PKP2: variants seen among roughly 807,000 people sequenced by gnomAD.
PKP2 encodes plakophilin-2.
Under a neutral mutation model 83.4 loss-of-function variants are expected in PKP2, and 73 were observed. The observed-to-expected ratio is 0.88, with a 90% CI of 0.72 to 1.06. PKP2 has a LOEUF of 1.06. PKP2 is among the 50% of genes least tolerant of loss of function. The pLI, the probability that PKP2 is intolerant of heterozygous loss-of-function variation, is 0.00. For missense variants in PKP2, 966 were observed against 1,065.4 expected, an observed-to-expected ratio of 0.91 and a Z score of 1.30; for synonymous variants, 409 against 430.4, an observed-to-expected ratio of 0.95 and a Z score of 0.62.
intron 9 of PKP2, among the ~76,000 whole-genome samples, chr12:32,804,694 T>G (rs962480154): frequency 2.0e-5 from 3 of 152,234 alleles, no homozygotes; most frequent in Non-Finnish European, 4.4e-5. Context: ...CTTTATTCAA[T>G]CTATCACTGG....
At position 32,879,301 on chromosome 12, in the gene PKP2, G is replaced by A. The variant is rs377113909; in HGVS notation, c.224-269C>T. Reference sequence around the variant, plus strand: ...TTATCCCAGCACTCTGGGAGGCAGAGGCAGGTGGATCACCTGAGGTCAGGA... The same window carrying A: ...TTATCCCAGCACTCTGGGAGGCAGAAGCAGGTGGATCACCTGAGGTCAGGA... On this transcript the variant is annotated intron_variant, in intron 1 of 12. Transcript: ENST00000340811. 7.9e-5 allele frequency among the ~76,000 whole-genome samples: 12 copies of A among 152,358 alleles called. No individual in the cohort carries two copies. The East Asian group carries it at 1.7e-3, about 22-fold the overall frequency.
intron 4 of PKP2, among the ~76,000 whole-genome samples, chr12:32,857,321 G>C (rs1437538051): frequency 6.6e-6 from 1 of 152,066 alleles, no homozygotes; most frequent in African/African-American, 2.4e-5. Flanking sequence ...AGCTACTCGG[G>C]AGGCTGAGAG....
intron 9 of PKP2, among the ~76,000 whole-genome samples, chr12:32,812,813 T>G (rs920229296): frequency 6.6e-6 from 1 of 152,178 alleles, no homozygotes; most frequent in Non-Finnish European, 1.5e-5. Context: ...CATTATTAAC[T>G]TTTAAATGGG....
intron 9 of PKP2, among the ~76,000 whole-genome samples, chr12:32,819,885 ACCC>A (rs34249258): frequency 0.83 from 120,550 of 145,804 alleles, 49,230 homozygotes; most frequent in Non-Finnish European, 0.85. Context: ...CGCACACACA[ACCC>A]CCCCCCCCCC....
At chr12:32,829,070 C>T (rs544566888) in intron 6 of PKP2, among the ~76,000 whole-genome samples, 6 of 151,896 alleles carry the variant, frequency 4.0e-5, no homozygotes, top group East Asian at 3.9e-4. Context: ...TGAGTAGGTG[C>T]GACTATAGGC....
At chr12:32,830,463 T>C (rs1171295374) in intron 6 of PKP2, among the ~76,000 whole-genome samples, 5 of 152,254 alleles carry the variant, frequency 3.3e-5, no homozygotes, top group South Asian at 4.1e-4. Context: ...ATTCTGCAAA[T>C]AGAGAACATT....
chr12:32,831,785 A>G (rs1194521426), intron 6 of PKP2, among the ~76,000 whole-genome samples: 2 of 152,230 alleles, frequency 1.3e-5, no homozygotes, highest in African/African-American at 4.8e-5. Flanking sequence ...AGGACAGTGG[A>G]AAATGATAGT....
Position 32,802,463 on chromosome 12 carries a change from T to G in PKP2, c.2107A>C (p.Lys703Gln). The change falls in exon 10 of 13, where the codon AAG (lysine) becomes CAG (glutamine). Residue 703 changes from lysine (K) to glutamine (Q), a missense_variant. Transcript: ENST00000340811. ...MLHVGDPSVKKTAISLLRNLS... is the reference protein window; with the variant it reads ...MLHVGDPSVKQTAISLLRNLS... Reference sequence around the variant, plus strand: ...TTCCTCAGCAGCGAGATGGCTGTCTTTTTCACACTTGGGTCACCAACATGC... The same window carrying G: ...TTCCTCAGCAGCGAGATGGCTGTCTGTTTCACACTTGGGTCACCAACATGC... 11 of 1,614,158 alleles carry G rather than the reference T, an allele frequency of 6.8e-6. No homozygotes were observed. The highest frequency in any genetic ancestry group is 9.3e-6 in the Non-Finnish European group (11 of 1,180,012).
intron 4 of PKP2, among the ~76,000 whole-genome samples, chr12:32,851,714 C>T (rs112915452): frequency 0.13 from 20,470 of 152,112 alleles, 1,623 homozygotes; most frequent in African/African-American, 0.2. Flanking sequence ...GTGATCCACC[C>T]GCCTCGGCCT....
chr12:32,819,303 C>CAATAAAATAAAATAA (rs1183387884), intron 9 of PKP2, among the ~76,000 whole-genome samples: 199 of 33,500 alleles, frequency 5.9e-3, no homozygotes, highest in Middle Eastern at 0.062. Context: ...CAATACAATA[C>CAATAAAATAAAATAA]AATACAATAC....
intron 3 of PKP2, among the ~76,000 whole-genome samples, chr12:32,875,615 T>C (rs7299220): frequency 0.081 from 12,343 of 152,200 alleles, 493 homozygotes; most frequent in Non-Finnish European, 0.094. Flanking sequence ...CTGACAGTCC[T>C]AGAGAACGGT....
chr12:32,878,876 T>C lies in PKP2; in HGVS notation c.336+44A>G, dbSNP rs752571986. The C allele has an allele frequency of 1.0e-5, 10 of 988,994 alleles. No individual in the cohort carries two copies. In the African/African-American group the frequency reaches 1.4e-4, roughly 14 times the overall value. The allele number at this position is 988,994 out of a possible 1,614,324, so 61.3% of individuals were successfully genotyped here. On this transcript the variant is annotated intron_variant, in intron 2 of 12. Coordinates refer to ENST00000340811, the MANE Select transcript of PKP2 (RefSeq NM_001005242.3). ...CTTAGGAAGTTTGAAAATATTTTCATGGTAGTAATCTGATCACTAGGGTTA... is the reference window on the plus strand; with the variant it reads ...CTTAGGAAGTTTGAAAATATTTTCACGGTAGTAATCTGATCACTAGGGTTA...
intron 1 of PKP2, among the ~76,000 whole-genome samples, chr12:32,895,538 C>T (rs962000620): frequency 2.6e-5 from 4 of 152,200 alleles, no homozygotes; most frequent in African/African-American, 9.6e-5. Flanking sequence ...TTTCTTTCCT[C>T]TTCTTTTTGC....
intron 4 of PKP2, among the ~76,000 whole-genome samples, chr12:32,861,536 T>G (rs1039978892): frequency 2.6e-5 from 4 of 152,126 alleles, no homozygotes; most frequent in Non-Finnish European, 5.9e-5. Flanking sequence ...GGAATTGAAC[T>G]TATCTAAAAA....
At chr12:32,852,321 A>AT (rs954321017) in intron 4 of PKP2, among the ~76,000 whole-genome samples, 1 of 152,210 alleles carries the variant, frequency 6.6e-6, no homozygotes, top group African/African-American at 2.4e-5. Flanking sequence ...GCAGATTTGC[A>AT]TATTTTCTAT....
chr12:32,802,408 T>C lies in PKP2; in HGVS notation c.2162A>G (p.Glu721Gly). 1 of 1,614,090 alleles carries C rather than the reference T, an allele frequency of 6.2e-7. No individual in the cohort carries two copies. Among genetic ancestry groups the C allele is most frequent in the South Asian group, 1.1e-5 (1 of 91,086 alleles). Residue 721 changes from glutamate to glycine, a missense_variant, in exon 10 of 13, where the codon GAA becomes GGA. Transcript: ENST00000340811. ...NLSRNLSLQN[E>G]IAKETLPDLV... ...AGATACTTATACCGACTCACCAATT[T>C]CATTCTGCAGAGAAAGATTCCGGGA... is the stretch of plus-strand genomic sequence containing the variant.
intron 4 of PKP2, 59 bp from the exon 5 acceptor site, chr12:32,851,032 C>A: frequency 7.5e-7 from 1 of 1,339,952 alleles, no homozygotes; most frequent in South Asian, 1.2e-5. Flanking sequence ...TCAAGGCATT[C>A]AATGTAATAC....
intron 4 of PKP2, among the ~76,000 whole-genome samples, chr12:32,852,616 T>C (rs1956710097): frequency 6.6e-6 from 1 of 152,178 alleles, no homozygotes; most frequent in Non-Finnish European, 1.5e-5. Flanking sequence ...TGCAAGAACC[T>C]TAAGAAGAAA....
rs886049317 is a variant in PKP2 at position 32,792,197 on chromosome 12, A to G, written c.*227T>C. The G allele has an allele frequency of 1.4e-5, 8 of 577,836 alleles. No homozygotes were observed. Among genetic ancestry groups the G allele is most frequent in the Middle Eastern group, 4.7e-4 (1 of 2,108 alleles). The allele number at this position is 577,836 out of a possible 1,614,324, so 35.8% of individuals were successfully genotyped here. ...TGTACCATAAGCCCTAATAACAAAG[A>G]CCACTATTTGTCGAGCCTGTGGCCG... On this transcript the variant is annotated 3_prime_UTR_variant, in exon 13 of 13. Transcript: ENST00000340811.
Sources: allele counts gnomAD v4.1 joint callset (sites outside exome capture counted in the v4.1 genomes callset), GRCh38; gene constraint gnomAD v4.1.1; transcripts MANE v1.5; gene names NCBI Gene and HGNC (gene_info 2026-07-23, HGNC 2026-07-21).